The following CELF4 variants were observed in gnomAD, a reference collection of about 807,000 sequenced individuals.
The protein encoded by CELF4 is CUGBP Elav-like family member 4, also known as CUG-BP- and ETR-3-like factor 4.
CELF4 carries 18 observed loss-of-function variants against 59.9 expected under a neutral mutation model. The ratio of observed to expected loss-of-function variants is 0.30; its 90% CI spans 0.21 to 0.45. The LOEUF is 0.45. Ranked by LOEUF, CELF4 falls within the 20% of genes least tolerant of loss-of-function variation. The pLI, the probability that CELF4 is intolerant of heterozygous loss-of-function variation, is 1.00. For synonymous variants in CELF4, 261 were observed against 267.1 expected, an observed-to-expected ratio of 0.98 and a Z score of 0.22; for missense variants, 456 against 689.0, an observed-to-expected ratio of 0.66 and a Z score of 3.79.
chr18:37,484,881 G>A (rs1603642364), intron 2 of CELF4, among the ~76,000 whole-genome samples: 1 of 152,180 alleles, frequency 6.6e-6, no homozygotes, highest in Non-Finnish European at 1.5e-5. Context: ...CTCAGCAGCC[G>A]TATATCTCTC....
intron 2 of CELF4, among the ~76,000 whole-genome samples, chr18:37,459,972 C>T (rs1200373847): frequency 1.3e-5 from 2 of 152,060 alleles, no homozygotes; most frequent in African/African-American, 4.8e-5. Context: ...TTTCAGAAAA[C>T]CAAAAGGAAA....
At chr18:37,454,919 C>T (rs918776232) in intron 2 of CELF4, among the ~76,000 whole-genome samples, 19 of 152,276 alleles carry the variant, frequency 1.2e-4, no homozygotes, top group East Asian at 7.7e-4. Context: ...CTCTCTGTGA[C>T]GTGTCTCCAG....
intron 1 of CELF4, chr18:37,529,024 A>G (rs1490137058): frequency 2.0e-5 from 3 of 152,086 alleles, no homozygotes; most frequent in Non-Finnish European, 4.4e-5. Context: ...ACTTTCCCAG[A>G]GGATGGAGGC....
At chr18:37,256,520 G>C (rs1274930031) in intron 11 of CELF4, among the ~76,000 whole-genome samples, 2 of 152,074 alleles carry the variant, frequency 1.3e-5, no homozygotes, top group Non-Finnish European at 2.9e-5. Flanking sequence ...AGGCTCACAG[G>C]GTTAAATGAC....
intron 3 of CELF4, among the ~76,000 whole-genome samples, chr18:37,301,956 C>G (rs1357620270): frequency 6.6e-6 from 1 of 152,184 alleles, no homozygotes; most frequent in Non-Finnish European, 1.5e-5. Flanking sequence ...CCACCACTGT[C>G]CAGACCTCCC....
intron 1 of CELF4, among the ~76,000 whole-genome samples, chr18:37,533,260 A>T (rs1257225410): frequency 6.6e-6 from 1 of 152,180 alleles, no homozygotes; most frequent in Non-Finnish European, 1.5e-5. Context: ...CATTTCCCTG[A>T]GTGTGAGTAG....
intron 10 of CELF4, among the ~76,000 whole-genome samples, 156 bp downstream of exon 10, chr18:37,264,518 C>G (rs1030457309): frequency 6.6e-6 from 1 of 152,258 alleles, no homozygotes; most frequent in Non-Finnish European, 1.5e-5. Flanking sequence ...GAGAGCGCCA[C>G]TCCTCACAGC....
chr18:37,524,342 A>G (rs574816300), intron 1 of CELF4, among the ~76,000 whole-genome samples: 3 of 152,186 alleles, frequency 2.0e-5, no homozygotes, highest in Non-Finnish European at 4.4e-5. Context: ...CCGATTTCAG[A>G]TGGCTTCGAA....
chr18:37,311,988 G>C (rs913385270), intron 3 of CELF4, among the ~76,000 whole-genome samples: 4 of 142,846 alleles, frequency 2.8e-5, no homozygotes, highest in Non-Finnish European at 6.1e-5. Flanking sequence ...GCGGGCGCCT[G>C]TAGTCCCAGC....
intron 1 of CELF4, among the ~76,000 whole-genome samples, chr18:37,551,067 T>C (rs973118761): frequency 2.6e-5 from 4 of 152,084 alleles, no homozygotes; most frequent in Admixed American, 6.5e-5. Flanking sequence ...GGTTTGGGAC[T>C]TGGGGTGGGG....
intron 3 of CELF4, among the ~76,000 whole-genome samples, chr18:37,284,590 C>G (rs1416261409): frequency 6.6e-6 from 1 of 152,226 alleles, no homozygotes; most frequent in South Asian, 2.1e-4. Flanking sequence ...TCCCACATCA[C>G]AGAACCCCTG....
chr18:37,384,788 G>A (rs1389572267), intron 2 of CELF4, among the ~76,000 whole-genome samples: 9 of 152,162 alleles, frequency 5.9e-5, no homozygotes. Context: ...AATGGCTAAG[G>A]AGCCCCTCCT....
At chr18:37,462,365 A>G (rs1325846207) in intron 2 of CELF4, among the ~76,000 whole-genome samples, 1 of 152,194 alleles carries the variant, frequency 6.6e-6, no homozygotes, top group East Asian at 1.9e-4. Flanking sequence ...TCCTGGTGCC[A>G]CATCTCCTCT....
intron 8 of CELF4, among the ~76,000 whole-genome samples, chr18:37,269,551 C>T (rs986937519): frequency 6.6e-6 from 1 of 152,226 alleles, no homozygotes; most frequent in Admixed American, 6.5e-5. Context: ...TGCCAATTCA[C>T]CTTGGGCTGG....
intron 1 of CELF4, among the ~76,000 whole-genome samples, chr18:37,514,701 T>C (rs1380681223): frequency 6.6e-6 from 1 of 152,084 alleles, no homozygotes; most frequent in African/African-American, 2.4e-5. Flanking sequence ...AAATCTGGGG[T>C]ATAAAATGGG....
chr18:37,515,097 T>C (rs1346995783), intron 1 of CELF4, among the ~76,000 whole-genome samples: 1 of 152,200 alleles, frequency 6.6e-6, no homozygotes, highest in South Asian at 2.1e-4. Context: ...AGTGCTATTA[T>C]TATTTGATAA....
intron 2 of CELF4, among the ~76,000 whole-genome samples, chr18:37,327,680 G>T (rs2097368300): frequency 6.6e-6 from 1 of 152,134 alleles, no homozygotes; most frequent in Non-Finnish European, 1.5e-5. Flanking sequence ...AGGCAAGGGG[G>T]GGTCCACTCC....
chr18:37,264,594 C>G (rs1282067828), intron 10 of CELF4, 80 bp downstream of exon 10: 8 of 1,254,442 alleles, frequency 6.4e-6, no homozygotes, highest in Non-Finnish European at 9.1e-6. Flanking sequence ...AACGCACACC[C>G]CAGCCCAAGG....
chr18:37,500,751 G>A (rs1015964792), intron 1 of CELF4, among the ~76,000 whole-genome samples: 1 of 152,042 alleles, frequency 6.6e-6, no homozygotes, highest in African/African-American at 2.4e-5. Context: ...AGCCAGGATG[G>A]TCTTGATCTG....
Sources: gnomAD v4.1 joint callset for allele counts (sites outside exome capture counted in the v4.1 genomes callset) on GRCh38, gnomAD v4.1.1 for gene constraint, MANE v1.5 for transcripts, NCBI Gene and HGNC (gene_info 2026-07-23, HGNC 2026-07-21) for gene names.